DIP2C: variants seen among roughly 807,000 people sequenced by gnomAD.
The protein encoded by DIP2C is disco-interacting protein 2 homolog C.
DIP2C carries 33 observed loss-of-function variants against 192.4 expected under a neutral mutation model. The ratio of observed to expected loss-of-function variants is 0.17; its 90% CI spans 0.13 to 0.23. The LOEUF is 0.23. DIP2C is among the 10% of genes least tolerant of loss of function. The pLI, the probability that DIP2C is intolerant of heterozygous loss-of-function variation, is 1.00. For synonymous variants in DIP2C, 979 were observed against 864.1 expected, an observed-to-expected ratio of 1.13 and a Z score of -2.33; for missense variants, 1,537 against 2,110.1, an observed-to-expected ratio of 0.73 and a Z score of 5.32.
Position 288,835 on chromosome 10 carries a change from G to T in DIP2C, c.3987-414C>A, listed in dbSNP as rs973073040. On this transcript the variant is annotated intron_variant, in intron 32 of 36. Coordinates refer to ENST00000280886, the MANE Select transcript of DIP2C (RefSeq NM_014974.3). ...GGAAGGCAGGGCCAGGTGTGCAGCG[G>T]CCGAGAGCCCTCCCAAGACAGCGCG... Among the ~76,000 whole-genome samples the T allele has an allele frequency of 5.3e-5, 8 of 152,344 alleles. No homozygotes were observed. The East Asian group carries it at 9.7e-4, about 18-fold the overall frequency.
intron 1 of DIP2C, among the ~76,000 whole-genome samples, chr10:508,355 C>CA (rs1438721979): frequency 6.6e-6 from 1 of 152,210 alleles, no homozygotes; most frequent in Non-Finnish European, 1.5e-5. Flanking sequence ...TCAGCCCCTC[C>CA]ATGTGTGCCC....
At chr10:599,751 T>G (rs1025698013) in intron 1 of DIP2C, among the ~76,000 whole-genome samples, 99 of 151,346 alleles carry the variant, frequency 6.5e-4, no homozygotes, top group African/African-American at 2.3e-3. Context: ...GGCCCTTTTT[T>G]AAGATTCCGG....
intron 1 of DIP2C, among the ~76,000 whole-genome samples, chr10:622,256 TAGGGGGAGGGAGGAGGGGGAGGGAGG>T (rs1421764845): frequency 9.4e-6 from 1 of 106,130 alleles, no homozygotes; most frequent in East Asian, 2.8e-4. Flanking sequence ...GGAGAGATGG[TAGGGGGAGGGAGGAGGGGGAGGGAGG>T]AGGGGGAGGG....
intron 3 of DIP2C, among the ~76,000 whole-genome samples, chr10:449,275 T>C (rs1286172998): frequency 6.6e-6 from 1 of 152,204 alleles, no homozygotes; most frequent in Non-Finnish European, 1.5e-5. Flanking sequence ...GCTCATCTTG[T>C]GTAACAAAAG....
chr10:446,399 C>T lies in DIP2C; in HGVS notation c.269-5403G>A, dbSNP rs61837247. Reference sequence around the variant, plus strand: ...CTGTATACCTCTGTTGTGAAGAGTCCCATGGTCCACTGGGCATCTGTATAC... The same window carrying T: ...CTGTATACCTCTGTTGTGAAGAGTCTCATGGTCCACTGGGCATCTGTATAC... On this transcript the variant is annotated intron_variant, in intron 3 of 36. Transcript: ENST00000280886. Among the ~76,000 whole-genome samples, 5 of 149,982 alleles carry T rather than the reference C, an allele frequency of 3.3e-5. No individual in the cohort carries two copies. The South Asian group carries it at 1.1e-3, about 32-fold the overall frequency.
intron 2 of DIP2C, among the ~76,000 whole-genome samples, chr10:480,054 C>G (rs1395946023): frequency 6.8e-6 from 1 of 147,874 alleles, no homozygotes; most frequent in Non-Finnish European, 1.5e-5. Context: ...AGACCCGGTT[C>G]ACGCTCACTG....
intron 1 of DIP2C, among the ~76,000 whole-genome samples, chr10:612,884 G>A (rs1199468749): frequency 6.6e-6 from 1 of 152,206 alleles, no homozygotes; most frequent in East Asian, 1.9e-4. Context: ...CTTGGTTACG[G>A]AAAGCACTGG....
chr10:470,114 A>C (rs559481517), intron 3 of DIP2C, among the ~76,000 whole-genome samples: 1 of 152,302 alleles, frequency 6.6e-6, no homozygotes, highest in East Asian at 1.9e-4. Flanking sequence ...TGATTGGCGA[A>C]TATGTAGACA....
intron 1 of DIP2C, among the ~76,000 whole-genome samples, chr10:582,263 G>A (rs760142530): frequency 6.6e-5 from 10 of 152,188 alleles, no homozygotes; most frequent in Non-Finnish European, 1.0e-4. Context: ...GACACCACTC[G>A]TGACCCTGCT....
At chr10:453,089 G>T (rs954395321) in intron 3 of DIP2C, among the ~76,000 whole-genome samples, 8 of 152,318 alleles carry the variant, frequency 5.3e-5, no homozygotes, top group Admixed American at 4.6e-4. Context: ...ATATAACATG[G>T]GTAAACAGGT....
chr10:284,582 C>T (rs764965276), intron 34 of DIP2C, among the ~76,000 whole-genome samples: 19 of 152,098 alleles, frequency 1.2e-4, no homozygotes, highest in East Asian at 5.8e-4. Context: ...GGTGGTTAGC[C>T]GGGACTTCAG....
chr10:489,450 C>A (rs920027999), intron 1 of DIP2C, among the ~76,000 whole-genome samples: 1 of 152,244 alleles, frequency 6.6e-6, no homozygotes, highest in Non-Finnish European at 1.5e-5. Flanking sequence ...GACTGACAGG[C>A]AGAAGCTAGC....
chr10:468,668 G>A (rs939495046), intron 3 of DIP2C, among the ~76,000 whole-genome samples: 6 of 152,162 alleles, frequency 3.9e-5, no homozygotes, highest in African/African-American at 1.4e-4. Context: ...GCCGAGGCAG[G>A]AGAATCGCTT....
rs565011852 is a variant in DIP2C, at chr10:571,596, CTCAG to C, written c.86-85070_86-85067del. ...CCCCATCCAACTCAGCTGACACATT[CTCAG>C]TCAGGTCAGTAGAGGGTTTTCTTTC... On this transcript the variant is annotated intron_variant, in intron 1 of 36. Transcript: ENST00000280886. Among the ~76,000 whole-genome samples, 72 of 152,266 alleles carry C rather than the reference CTCAG, an allele frequency of 4.7e-4. 1 individual carries two copies. Among genetic ancestry groups the C allele is most frequent in the Non-Finnish European group, 2.9e-4 (20 of 68,026 alleles).
intron 8 of DIP2C, among the ~76,000 whole-genome samples, chr10:411,507 G>A (rs541729573): frequency 1.3e-5 from 2 of 152,326 alleles, no homozygotes; most frequent in African/African-American, 4.8e-5. Context: ...CTACCCCAGC[G>A]CTTCGTAGGA....
chr10:476,119 T>C (rs2133466583), intron 2 of DIP2C, among the ~76,000 whole-genome samples: 1 of 152,238 alleles, frequency 6.6e-6, no homozygotes, highest in African/African-American at 2.4e-5. Flanking sequence ...GAGGCCGGCA[T>C]GGTCCCTGGG....
At chr10:438,571 C>G (rs1389940511) in intron 4 of DIP2C, among the ~76,000 whole-genome samples, 1 of 151,884 alleles carries the variant, frequency 6.6e-6, no homozygotes, top group Non-Finnish European at 1.5e-5. Flanking sequence ...CTCACTGCAG[C>G]CTCAGCCTCC....
At chr10:292,268 G>A (rs1357447776) in intron 32 of DIP2C, among the ~76,000 whole-genome samples, 1 of 152,200 alleles carries the variant, frequency 6.6e-6, no homozygotes, top group African/African-American at 2.4e-5. Flanking sequence ...GGTGAAAGTT[G>A]GTTTTAAACA....
At chr10:575,140 C>T (rs760503846) in intron 1 of DIP2C, among the ~76,000 whole-genome samples, 1 of 152,130 alleles carries the variant, frequency 6.6e-6, no homozygotes, top group African/African-American at 2.4e-5. Flanking sequence ...ACTTTACCTT[C>T]GCCAAAAACA....
Sources: gnomAD v4.1 joint callset for allele counts (sites outside exome capture counted in the v4.1 genomes callset) on GRCh38, gnomAD v4.1.1 for gene constraint, MANE v1.5 for transcripts, NCBI Gene and HGNC (gene_info 2026-07-23, HGNC 2026-07-21) for gene names.